CAST: variants seen among roughly 807,000 people sequenced by gnomAD.
The protein encoded by CAST is calpastatin, also known as MIR583 host.
CAST carries 76 observed loss-of-function variants against 119.6 expected under a neutral mutation model. The observed-to-expected ratio is 0.64, with a 90% CI of 0.53 to 0.77. The LOEUF (loss-of-function observed/expected upper bound fraction) is 0.77, where lower values mean the gene tolerates loss of function less well. Among genes scored for constraint, CAST ranks in the 30% least tolerant of loss-of-function variants. The pLI is 0.00. For missense variants in CAST, 953 were observed against 946.5 expected, an observed-to-expected ratio of 1.01 and a Z score of -0.09; for synonymous variants, 319 against 331.6, an observed-to-expected ratio of 0.96 and a Z score of 0.41.
the CAST span, among the ~76,000 whole-genome samples, chr5:96,427,521 T>G: frequency 6.6e-6 from 1 of 152,194 alleles, no homozygotes; most frequent in Admixed American, 6.5e-5. Context: ...CTTGGGCTAA[T>G]TTTTTACAAA....
At chr5:96,397,478 C>T in the CAST span, 22 of 1,610,772 alleles carry the variant, frequency 1.4e-5, 1 homozygote, top group South Asian at 2.2e-4. Flanking sequence ...TCCTATGAAA[C>T]AAATACAAGT....
the CAST span, among the ~76,000 whole-genome samples, chr5:96,506,694 T>C: frequency 1.3e-5 from 2 of 152,124 alleles, no homozygotes; most frequent in African/African-American, 2.4e-5. Flanking sequence ...TGAGGAGGTC[T>C]CAGCAGTGGC....
chr5:96,730,229 A>C (rs1455395946), intron 8 of CAST, among the ~76,000 whole-genome samples: 4 of 152,254 alleles, frequency 2.6e-5, no homozygotes, highest in Non-Finnish European at 5.9e-5. Flanking sequence ...AGAAGAATTA[A>C]CATCTACAAG....
At chr5:96,356,805 G>C in the CAST span, among the ~76,000 whole-genome samples, 4 of 152,254 alleles carry the variant, frequency 2.6e-5, no homozygotes, top group South Asian at 8.3e-4. Flanking sequence ...GGATTGTCTT[G>C]GCTATGCAGG....
intron 1 of CAST, among the ~76,000 whole-genome samples, chr5:96,630,707 A>G (rs951573001): frequency 6.6e-6 from 1 of 151,994 alleles, no homozygotes; most frequent in Non-Finnish European, 1.5e-5. Context: ...GATTGCTTGA[A>G]CCTGGGAGGC....
At chr5:96,265,934 C>T in the CAST span, among the ~76,000 whole-genome samples, 611 of 152,208 alleles carry the variant, frequency 4.0e-3, 4 homozygotes, top group South Asian at 0.013. Flanking sequence ...AAAACTGATA[C>T]GATGTCATGG....
At chr5:96,544,184 A>G (rs1252685264) in intron 1 of CAST, among the ~76,000 whole-genome samples, 4 of 152,192 alleles carry the variant, frequency 2.6e-5, no homozygotes, top group East Asian at 1.9e-4. Flanking sequence ...GAGTCTTCCA[A>G]TCCATGAACA....
the CAST span, chr5:96,429,310 G>A: frequency 5.8e-6 from 9 of 1,538,978 alleles, no homozygotes; most frequent in Non-Finnish European, 8.1e-6. Context: ...ATTTTCAAGT[G>A]AACCAATCTA....
the CAST span, among the ~76,000 whole-genome samples, chr5:96,312,006 G>C: frequency 6.6e-6 from 1 of 151,442 alleles, no homozygotes; most frequent in Admixed American, 6.6e-5. Context: ...TTTCTCTCTT[G>C]CTGTCTTTCT....
chr5:96,627,383 A>G (rs1747744009), intron 1 of CAST, among the ~76,000 whole-genome samples: 1 of 152,232 alleles, frequency 6.6e-6, no homozygotes, highest in Non-Finnish European at 1.5e-5. Context: ...GCTATTTAAA[A>G]GACCTTTTAT....
the CAST span, among the ~76,000 whole-genome samples, chr5:96,386,390 AC>A: frequency 6.6e-6 from 1 of 152,164 alleles, no homozygotes; most frequent in Admixed American, 6.5e-5. Flanking sequence ...TTCAGTCTAC[AC>A]TGGTGATGAT....
the CAST span, among the ~76,000 whole-genome samples, chr5:96,288,208 A>T: frequency 2.6e-5 from 4 of 152,178 alleles, no homozygotes; most frequent in Admixed American, 2.6e-4. Flanking sequence ...TTATGTCTTT[A>T]TAAGCAAATA....
At chr5:96,490,474 T>G in the CAST span, among the ~76,000 whole-genome samples, 2 of 152,016 alleles carry the variant, frequency 1.3e-5, no homozygotes, top group African/African-American at 4.8e-5. Flanking sequence ...GAAGAAGAAC[T>G]GCAAAATTGG....
chr5:96,733,801 C>T (rs745526619), intron 9 of CAST, among the ~76,000 whole-genome samples: 2 of 152,098 alleles, frequency 1.3e-5, no homozygotes, highest in Admixed American at 6.5e-5. Context: ...TGCTTGAACC[C>T]GGGAGGCAGA....
the CAST span, among the ~76,000 whole-genome samples, chr5:96,166,766 CT>C: frequency 6.6e-6 from 1 of 152,164 alleles, no homozygotes; most frequent in Non-Finnish European, 1.5e-5. Flanking sequence ...CCTATCCTCA[CT>C]CATGAATTCA....
At chr5:96,097,582 T>C in the CAST span, among the ~76,000 whole-genome samples, 1 of 152,180 alleles carries the variant, frequency 6.6e-6, no homozygotes, top group African/African-American at 2.4e-5. Flanking sequence ...ACATGTGGTA[T>C]TTGGTTTTCT....
the CAST span, chr5:96,399,102 C>A: frequency 7.0e-6 from 8 of 1,135,750 alleles, no homozygotes; most frequent in Non-Finnish European, 9.1e-6. Context: ...TTATGCATAT[C>A]TGCATGCATC....
At chr5:96,309,611 C>T in the CAST span, among the ~76,000 whole-genome samples, 1 of 152,200 alleles carries the variant, frequency 6.6e-6, no homozygotes, top group East Asian at 1.9e-4. Context: ...TCCTGGTCTG[C>T]TGGTTAGGAA....
At chr5:96,358,463 C>T in the CAST span, among the ~76,000 whole-genome samples, 5 of 152,102 alleles carry the variant, frequency 3.3e-5, no homozygotes, top group Admixed American at 3.3e-4. Flanking sequence ...CTCTTGTGGG[C>T]ATTTAGTGCT....
Sources: allele counts gnomAD v4.1 joint callset (sites outside exome capture counted in the v4.1 genomes callset), GRCh38; gene constraint gnomAD v4.1.1; transcripts MANE v1.5; gene names NCBI Gene and HGNC (gene_info 2026-07-23, HGNC 2026-07-21).